The following UNC5C variants were observed in gnomAD, a reference collection of about 807,000 sequenced individuals.
The protein encoded by UNC5C is netrin receptor UNC5C.
In UNC5C, 47 loss-of-function variants were observed where a neutral mutation model predicts 99.8. The observed-to-expected ratio is 0.47, with a 90% CI of 0.37 to 0.60. The LOEUF (loss-of-function observed/expected upper bound fraction) is 0.60. Ranked by LOEUF, UNC5C falls within the 20% of genes least tolerant of loss-of-function variation. The pLI is 0.00. For synonymous variants in UNC5C, 487 were observed against 452.2 expected (o/e 1.08, Z -0.98); for missense variants, 1,062 against 1,165.9 (o/e 0.91, Z 1.30).
intron 1 of UNC5C, among the ~76,000 whole-genome samples, chr4:95,383,890 A>G (rs1023775176): frequency 2.6e-5 from 4 of 152,154 alleles, no homozygotes; most frequent in African/African-American, 9.7e-5. Context: ...TAACCTTTCC[A>G]TCTTAATTTT....
chr4:95,447,188 T>C (rs1477996889), intron 1 of UNC5C, among the ~76,000 whole-genome samples: 7 of 151,072 alleles, frequency 4.6e-5, no homozygotes, highest in Admixed American at 6.6e-5. Flanking sequence ...TACATATATA[T>C]GTATTGTTAT....
At chr4:95,228,445 C>T (rs1009563572) in intron 7 of UNC5C, among the ~76,000 whole-genome samples, 2 of 152,166 alleles carry the variant, frequency 1.3e-5, no homozygotes, top group Admixed American at 1.3e-4. Flanking sequence ...TTTAAATCCT[C>T]AAAACCAAGT....
chr4:95,405,414 C>A (rs927942317), intron 1 of UNC5C, among the ~76,000 whole-genome samples: 1 of 152,170 alleles, frequency 6.6e-6, no homozygotes, highest in Non-Finnish European at 1.5e-5. Flanking sequence ...TCTTCCTTTT[C>A]ACTATAAGCT....
At chr4:95,537,881 A>T (rs1722822152) in intron 1 of UNC5C, among the ~76,000 whole-genome samples, 1 of 152,140 alleles carries the variant, frequency 6.6e-6, no homozygotes, top group Admixed American at 6.5e-5. Context: ...TTCAAAATAC[A>T]CTGAAAAACC....
At chr4:95,352,186 G>A (rs949020576) in intron 1 of UNC5C, among the ~76,000 whole-genome samples, 1 of 152,034 alleles carries the variant, frequency 6.6e-6, no homozygotes, top group Non-Finnish European at 1.5e-5. Flanking sequence ...TCCTTACTAA[G>A]GCCGAAAAGA....
intron 1 of UNC5C, among the ~76,000 whole-genome samples, chr4:95,400,549 C>T (rs577747241): frequency 2.6e-4 from 40 of 152,010 alleles, no homozygotes; most frequent in Middle Eastern, 3.4e-3. Flanking sequence ...CCCGCCACCA[C>T]GCCCAGCTAA....
At position 95,220,146 on chromosome 4, in the gene UNC5C, T is replaced by C. The variant is rs769538762; in HGVS notation, c.1139A>G (p.Tyr380Cys). The C allele has an allele frequency of 5.6e-6, 9 of 1,613,822 alleles. 1 individual carries two copies. In the South Asian group the frequency reaches 8.8e-5, roughly 16 times the overall value. The change falls in exon 8 of 16, where the codon TAT becomes TGT. Residue 380 changes from tyrosine (Y) to cysteine (C), a missense_variant. Physicochemically the swap from Tyr to Cys is radical, Grantham distance 194 (BLOSUM62 -2). This residue lies in a region of UNC5C where 810 missense variants were observed against 854.5 expected (regional missense o/e 0.95). Coordinates refer to ENST00000453304, the MANE Select transcript of UNC5C (RefSeq NM_003728.4). ...TAPDSDDVALYVGIVIAVIVC... is the reference protein window; with the variant it reads ...TAPDSDDVALCVGIVIAVIVC... The stretch of plus-strand genomic sequence containing the variant: ...GATCACTGCTATCACAATCCCAACA[T>C]AGAGAGCAACATCATCTGAATCAGG...
At chr4:95,537,173 T>C (rs1722803120) in intron 1 of UNC5C, among the ~76,000 whole-genome samples, 1 of 152,118 alleles carries the variant, frequency 6.6e-6, no homozygotes, top group African/African-American at 2.4e-5. Flanking sequence ...AAAATATAAA[T>C]AAATAAAAGA....
In UNC5C at chr4:95,470,708, C is replaced by T. The variant is rs1747941306; in HGVS notation, c.124+78026G>A. Among the ~76,000 whole-genome samples the T allele has an allele frequency of 2.6e-5, 4 of 152,154 alleles. No individual in the cohort carries two copies. The South Asian group carries it at 8.3e-4, about 32-fold the overall frequency. ...GATGCACATCAAAGTTTATACTTAACAAGCATTTATAACTAGAGGAGGAAA... is the reference window on the plus strand; with the variant it reads ...GATGCACATCAAAGTTTATACTTAATAAGCATTTATAACTAGAGGAGGAAA... On this transcript the variant is annotated intron_variant, in intron 1 of 15. Transcript: ENST00000453304.
At chr4:95,216,266 G>C in intron 9 of UNC5C, 55 bp from the exon 10 acceptor site, 1 of 1,410,610 alleles carries the variant, frequency 7.1e-7, no homozygotes. Context: ...ACGTAAAAGG[G>C]AATGAGGAGA....
chr4:95,475,654 C>A (rs934660939), intron 1 of UNC5C, among the ~76,000 whole-genome samples: 1 of 152,010 alleles, frequency 6.6e-6, no homozygotes, highest in Admixed American at 6.6e-5. Flanking sequence ...AAGTCCATTG[C>A]CCCTTTAAAC....
chr4:95,418,153 C>T (rs1221228820), intron 1 of UNC5C, among the ~76,000 whole-genome samples: 2 of 152,186 alleles, frequency 1.3e-5, no homozygotes, highest in East Asian at 1.9e-4. Context: ...GACAATTCCT[C>T]CACTTAGGTG....
chr4:95,343,644 G>T (rs1016740275), intron 1 of UNC5C, among the ~76,000 whole-genome samples: 7 of 151,984 alleles, frequency 4.6e-5, no homozygotes, highest in African/African-American at 1.5e-4. Flanking sequence ...ACCTTTCAGA[G>T]AATTCAAAAT....
rs568916788 is a variant in UNC5C, at chr4:95,239,440, G to T, written c.1108+2989C>A. ...CATTTGTGAGTTTCAGCTTTCTTTAGGGTTCTTATTTCCAAGTCTAGGTCT... is the reference window on the plus strand; with the variant it reads ...CATTTGTGAGTTTCAGCTTTCTTTATGGTTCTTATTTCCAAGTCTAGGTCT... On this transcript the variant is annotated intron_variant, in intron 7 of 15. Coordinates refer to ENST00000453304, the MANE Select transcript of UNC5C (RefSeq NM_003728.4). Among the ~76,000 whole-genome samples the T allele has an allele frequency of 7.2e-5, 11 of 152,170 alleles. No individual in the cohort carries two copies. The South Asian group carries it at 2.3e-3, about 32-fold the overall frequency.
chr4:95,384,718 A>G (rs1290202674), intron 1 of UNC5C, among the ~76,000 whole-genome samples: 2 of 152,106 alleles, frequency 1.3e-5, no homozygotes, highest in Non-Finnish European at 2.9e-5. Context: ...TATGCGGAAG[A>G]GGGATTGGAG....
At chr4:95,331,689 A>C (rs1022773272) in intron 2 of UNC5C, among the ~76,000 whole-genome samples, 8 of 152,138 alleles carry the variant, frequency 5.3e-5, no homozygotes, top group African/African-American at 1.9e-4. Flanking sequence ...TTAATTTATA[A>C]GGTAGTCTTA....
chr4:95,438,816 GATTT>G (rs1384750940), intron 1 of UNC5C, among the ~76,000 whole-genome samples: 1 of 152,086 alleles, frequency 6.6e-6, no homozygotes, highest in Non-Finnish European at 1.5e-5. Flanking sequence ...TTTATTGATT[GATTT>G]ATTTGTAAAC....
chr4:95,521,966 C>T (rs1003081139), intron 1 of UNC5C, among the ~76,000 whole-genome samples: 8 of 151,988 alleles, frequency 5.3e-5, no homozygotes. Context: ...GAATATCAAA[C>T]TGAAAATAAA....
chr4:95,338,658 T>C (rs1206265519), intron 1 of UNC5C, among the ~76,000 whole-genome samples: 2 of 152,062 alleles, frequency 1.3e-5, no homozygotes, highest in Non-Finnish European at 2.9e-5. Flanking sequence ...GCAGGGACTA[T>C]ATTGATTTCA....
Sources: gnomAD v4.1 joint callset for allele counts (sites outside exome capture counted in the v4.1 genomes callset) on GRCh38, gnomAD v4.1.1 for gene constraint, gnomAD v4.1.1 regional missense constraint, MANE v1.5 for transcripts, NCBI Gene and HGNC (gene_info 2026-07-23, HGNC 2026-07-21) for gene names.